EED: variants seen among roughly 807,000 people sequenced by gnomAD.
The protein encoded by EED is embryonic ectoderm development, also known as polycomb protein EED.
A neutral mutation model predicts 61.0 loss-of-function variants in EED; 9 were observed. The observed-to-expected ratio is 0.15, with a 90% CI of 0.09 to 0.26. The LOEUF is 0.26. EED is among the 10% of genes least tolerant of loss of function. The pLI, the probability that EED is intolerant of heterozygous loss-of-function variation, is 1.00. For missense variants in EED, 315 were observed against 542.3 expected, an observed-to-expected ratio of 0.58 and a Z score of 4.16; for synonymous variants, 187 against 174.4, an observed-to-expected ratio of 1.07 and a Z score of -0.57.
intron 9 of EED, among the ~76,000 whole-genome samples, chr11:86,274,547 G>C (rs548280537): frequency 6.6e-6 from 1 of 152,148 alleles, no homozygotes; most frequent in African/African-American, 2.4e-5. Context: ...TGTTGTGCCA[G>C]ATTGGGGTGG....
At chr11:86,285,494 A>G in the EED span, among the ~76,000 whole-genome samples, 5 of 152,244 alleles carry the variant, frequency 3.3e-5, no homozygotes, top group South Asian at 2.1e-4. Context: ...ATCCTTTAAC[A>G]ATTTCTCAAC....
At chr11:86,270,958 C>T (rs886213697) in intron 9 of EED, among the ~76,000 whole-genome samples, 4 of 152,076 alleles carry the variant, frequency 2.6e-5, no homozygotes, top group African/African-American at 4.8e-5. Flanking sequence ...AGATTTTTCC[C>T]GCTTTTATTT....
At chr11:86,247,931 T>C (rs776766844) in intron 1 of EED, among the ~76,000 whole-genome samples, 4 of 152,234 alleles carry the variant, frequency 2.6e-5, no homozygotes, top group Admixed American at 6.5e-5. Context: ...TATTGAACTT[T>C]TTGAGATCAT....
intron 3 of EED, among the ~76,000 whole-genome samples, chr11:86,252,885 G>A (rs1347050005): frequency 6.6e-6 from 1 of 152,002 alleles, no homozygotes; most frequent in Non-Finnish European, 1.5e-5. Context: ...TCAGCCTTCT[G>A]AGTAGCTACA....
At chr11:86,255,705 C>T (rs116389775) in intron 4 of EED, among the ~76,000 whole-genome samples, 4,740 of 148,718 alleles carry the variant, frequency 0.032, 236 homozygotes, top group African/African-American at 0.11. Flanking sequence ...ATTTGATCAA[C>T]GAAGCCTAGG....
At chr11:86,261,832 G>T (rs974253660) in intron 6 of EED, among the ~76,000 whole-genome samples, 1 of 152,214 alleles carries the variant, frequency 6.6e-6, no homozygotes, top group Non-Finnish European at 1.5e-5. Flanking sequence ...AAGTGCTGAA[G>T]TGGCCCTGGA....
intron 3 of EED, among the ~76,000 whole-genome samples, chr11:86,254,290 G>C (rs1413354667): frequency 6.6e-6 from 1 of 150,604 alleles, no homozygotes; most frequent in Non-Finnish European, 1.5e-5. Flanking sequence ...ACTATCCAAA[G>C]ACTTATTTTT....
chr11:86,275,267 T>C (rs1202276007), intron 9 of EED, among the ~76,000 whole-genome samples: 2 of 152,202 alleles, frequency 1.3e-5, no homozygotes, highest in South Asian at 2.1e-4. Context: ...ATCTGCTACA[T>C]TGTTCCACCA....
At chr11:86,271,506 C>G (rs1383395110) in intron 9 of EED, among the ~76,000 whole-genome samples, 2 of 151,918 alleles carry the variant, frequency 1.3e-5, no homozygotes, top group Non-Finnish European at 2.9e-5. Flanking sequence ...CTTTTTTTGC[C>G]TTATTGCGCT....
intron 9 of EED, among the ~76,000 whole-genome samples, chr11:86,269,712 T>G (rs1454074940): frequency 2.0e-5 from 3 of 152,182 alleles, no homozygotes; most frequent in Non-Finnish European, 4.4e-5. Flanking sequence ...GTGTTTAGTT[T>G]TATGTCATTT....
chr11:86,250,486 G>C lies in EED; in HGVS notation c.267+38G>C, dbSNP rs772024001. 3.4e-6 allele frequency: 5 copies of C among 1,479,494 alleles called. No individual in the cohort carries two copies. In the East Asian group the frequency reaches 1.0e-4, roughly 30 times the overall value. The allele number at this position is 1,479,494 out of a possible 1,614,324, so 91.6% of individuals were successfully genotyped here. ...AAAGATCCTTTGGGCTGAATGCTAGGCTTCAGAAATTATTTCTCTGTGGCA... is the reference window on the plus strand; with the variant it reads ...AAAGATCCTTTGGGCTGAATGCTAGCCTTCAGAAATTATTTCTCTGTGGCA... On this transcript the variant is annotated intron_variant, in intron 2 of 11. Transcript: ENST00000263360.
intron 3 of EED, among the ~76,000 whole-genome samples, chr11:86,254,077 A>G (rs1390546510): frequency 5.0e-5 from 7 of 139,320 alleles, no homozygotes; most frequent in Non-Finnish European, 9.6e-5. Context: ...AAAAAAAAAG[A>G]AAATGGAAAG....
chr11:86,277,851 A>C (rs1946267916), intron 10 of EED, 67 bp from the exon 11 acceptor site: 2 of 1,427,712 alleles, frequency 1.4e-6, no homozygotes, highest in Non-Finnish European at 1.9e-6. Context: ...CTGTCTGAGG[A>C]TTCCTCCAAT....
chr11:86,258,586 G>A (rs567763738), intron 6 of EED, among the ~76,000 whole-genome samples: 90 of 130,330 alleles, frequency 6.9e-4, no homozygotes, highest in African/African-American at 2.6e-3. Flanking sequence ...ACAAAGTTTC[G>A]CTCTTGTTGC....
chr11:86,245,430 C>G, intron 1 of EED, 87 bp downstream of exon 1: 3 of 1,094,574 alleles, frequency 2.7e-6, no homozygotes, highest in East Asian at 2.9e-5. Flanking sequence ...GAGCGGGCTG[C>G]TGTGGGGGGA....
chr11:86,268,801 A>T (rs1946046220), intron 9 of EED, among the ~76,000 whole-genome samples: 1 of 152,222 alleles, frequency 6.6e-6, no homozygotes, highest in Non-Finnish European at 1.5e-5. Flanking sequence ...TAAGATGAGT[A>T]TAGTTTTATA....
intron 1 of EED, 38 bp downstream of exon 1, chr11:86,245,381 G>C (rs761747586): frequency 1.3e-6 from 2 of 1,529,188 alleles, no homozygotes; most frequent in South Asian, 1.1e-5. Flanking sequence ...ACTGCGGAGT[G>C]AAAGTTTTAA....
intron 8 of EED, 142 bp downstream of exon 8, chr11:86,266,358 A>G: frequency 4.6e-6 from 3 of 652,234 alleles, no homozygotes; most frequent in Non-Finnish European, 7.1e-6. Context: ...TACATACTGT[A>G]AAATTCACCC....
At position 86,256,378 on chromosome 11, in the gene EED, A is replaced by T. The variant is rs375789080; in HGVS notation, c.427-9A>T. The T allele has an allele frequency of 6.4e-7, 1 of 1,556,152 alleles. No individual in the cohort carries two copies. Among genetic ancestry groups the T allele is most frequent in the Non-Finnish European group, 8.7e-7 (1 of 1,147,842 alleles). ...AAACATTATGTTTCTTAACTGTGGA[A>T]TTTCTTAGGCTGATGAAAACTTTTA... On this transcript the variant is annotated splice_polypyrimidine_tract_variant and intron_variant, in intron 4 of 11. Transcript: ENST00000263360.
Sources: allele counts gnomAD v4.1 joint callset (sites outside exome capture counted in the v4.1 genomes callset), GRCh38; gene constraint gnomAD v4.1.1; transcripts MANE v1.5; gene names NCBI Gene and HGNC (gene_info 2026-07-23, HGNC 2026-07-21).